BPIFB4: variants seen among roughly 807,000 people sequenced by gnomAD.
BPIFB4 encodes BPI fold containing family B member 4.
A neutral mutation model predicts 69.2 loss-of-function variants in BPIFB4; 62 were observed. That is an observed-to-expected ratio of 0.90 (90% CI 0.73 to 1.11). The LOEUF is 1.11. BPIFB4 is among the 50% of genes least tolerant of loss of function. The pLI is 0.00. For missense variants in BPIFB4, 789 were observed against 792.0 expected (o/e 1.00, Z 0.04); for synonymous variants, 330 against 332.7 (o/e 0.99, Z 0.09).
intron 6 of BPIFB4, 143 bp downstream of exon 6, chr20:33,085,139 C>G (rs963704069): frequency 3.5e-6 from 5 of 1,438,334 alleles, no homozygotes; most frequent in East Asian, 2.5e-5. Context: ...GCGGTGAAAA[C>G]AGCCTAGCAC....
At chr20:33,109,657 A>C (rs1196940235) in intron 17 of BPIFB4, among the ~76,000 whole-genome samples, 1 of 152,182 alleles carries the variant, frequency 6.6e-6, no homozygotes, top group Non-Finnish European at 1.5e-5. Context: ...AATACATATT[A>C]TTTTATTATA....
At chr20:33,092,397 T>C in intron 10 of BPIFB4, 61 bp from the exon 11 acceptor site, 2 of 1,480,922 alleles carry the variant, frequency 1.4e-6, no homozygotes, top group Non-Finnish European at 1.8e-6. Flanking sequence ...CACTCCAGCC[T>C]TCAGTCCCCT....
At chr20:33,080,829 G>A (rs1319934878) in intron 2 of BPIFB4, among the ~76,000 whole-genome samples, 4 of 152,064 alleles carry the variant, frequency 2.6e-5, no homozygotes, top group African/African-American at 7.2e-5. Context: ...GAGGATATAT[G>A]GCTTGCCAGC....
At position 33,083,882 on chromosome 20, in the gene BPIFB4, G is replaced by GA. The variant is rs1415167828; in HGVS notation, c.677+8_677+9insA. 1 of 1,595,220 alleles carries GA rather than the reference G, an allele frequency of 6.3e-7. No individual in the cohort carries two copies. On this transcript the variant is annotated intron_variant, in intron 5 of 17. Transcript: ENST00000375483. Reference sequence around the variant, plus strand: ...TGTGCAAGGCATCACGGGGTAAGGAGGGGACGGGTTCTCCCCAGAAAGCCC... The same window carrying GA: ...TGTGCAAGGCATCACGGGGTAAGGAGAGGGACGGGTTCTCCCCAGAAAGCCC...
intron 5 of BPIFB4, 36 bp downstream of exon 5, chr20:33,083,910 A>C: frequency 6.4e-7 from 1 of 1,558,634 alleles, no homozygotes; most frequent in Non-Finnish European, 8.7e-7. Context: ...GAAAGCCCCC[A>C]TACACCTCCA....
intron 12 of BPIFB4, among the ~76,000 whole-genome samples, chr20:33,097,219 G>A (rs542311581): frequency 1.0e-3 from 154 of 152,158 alleles, no homozygotes; most frequent in African/African-American, 3.5e-3. Flanking sequence ...TCCCCTCTGA[G>A]GCCCTGTTTT....
intron 13 of BPIFB4, among the ~76,000 whole-genome samples, chr20:33,098,128 A>G (rs570395581): frequency 3.7e-4 from 57 of 152,238 alleles, no homozygotes; most frequent in African/African-American, 1.3e-3. Context: ...ATTAAGACTG[A>G]TTTTCTCCTC....
In BPIFB4 at chr20:33,081,600, T is replaced by C. The variant is rs902050810; in HGVS notation, c.74T>C (p.Val25Ala). ...GGCACCAGCCACGAGACAAACACGG[T>C]CCTCAGGGTGACGAAAGATGTGTTG... is the stretch of plus-strand genomic sequence containing the variant. ...VCGTSHETNT[V>A]LRVTKDVLSN... The change falls in exon 3 of 18, where the codon GTC becomes GCC. Residue 25 changes from valine to alanine, a missense_variant. Physicochemically the swap from Val to Ala is moderately conservative, Grantham distance 64 (BLOSUM62 0). Coordinates refer to ENST00000375483, the MANE Select transcript of BPIFB4 (RefSeq NM_182519.3). 3 of 1,551,706 alleles carry C rather than the reference T, an allele frequency of 1.9e-6. No homozygotes were observed. In the East Asian group the frequency reaches 7.3e-5, roughly 38 times the overall value.
intron 9 of BPIFB4, 89 bp from the exon 10 acceptor site, chr20:33,090,619 A>C (rs571135967): frequency 1.3e-6 from 2 of 1,577,114 alleles, no homozygotes; most frequent in East Asian, 2.3e-5. Context: ...GCCTGGGCCT[A>C]CCTTGTCCAT....
intron 13 of BPIFB4, among the ~76,000 whole-genome samples, chr20:33,098,697 A>T (rs1420371598): frequency 6.6e-6 from 1 of 150,590 alleles, no homozygotes; most frequent in East Asian, 2.0e-4. Flanking sequence ...GTGAGCCGAG[A>T]TCGCACCACT....
At chr20:33,092,413 C>G (rs1453187784) in intron 10 of BPIFB4, 45 bp from the exon 11 acceptor site, 2 of 1,544,386 alleles carry the variant, frequency 1.3e-6, no homozygotes, top group Non-Finnish European at 1.8e-6. Context: ...CCCCTTCTTT[C>G]CATCTTCTCC....
chr20:33,083,955 C>A, intron 5 of BPIFB4, 81 bp downstream of exon 5: 2 of 1,476,226 alleles, frequency 1.4e-6, no homozygotes, highest in South Asian at 1.3e-5. Flanking sequence ...CTGGGGTTGC[C>A]GGAGGGAAGG....
At chr20:33,092,395 C>G in intron 10 of BPIFB4, 63 bp from the exon 11 acceptor site, 8 of 1,458,854 alleles carry the variant, frequency 5.5e-6, no homozygotes, top group Non-Finnish European at 6.6e-6. Flanking sequence ...CTCACTCCAG[C>G]CTTCAGTCCC....
Position 33,083,348 on chromosome 20 carries a change from C to G in BPIFB4, c.170-19C>G. On this transcript the variant is annotated intron_variant, in intron 4 of 17. Transcript: ENST00000375483. The stretch of plus-strand genomic sequence containing the variant: ...CCGACACCATTACAATGACTACAGA[C>G]GCATTGAATTCCCCCGAGGTGTTGG... The G allele has an allele frequency of 6.2e-7, 1 of 1,605,722 alleles. No individual in the cohort carries two copies. The highest frequency in any genetic ancestry group is 8.5e-7 in the Non-Finnish European group (1 of 1,174,864).
intron 8 of BPIFB4, 118 bp from the exon 9 acceptor site, chr20:33,089,380 T>A (rs1981529364): frequency 6.7e-7 from 1 of 1,495,358 alleles, no homozygotes; most frequent in African/African-American, 1.4e-5. Flanking sequence ...GTGAGGAGAG[T>A]GCCTGGCACA....
At chr20:33,092,248 G>T (rs1981620582) in intron 10 of BPIFB4, among the ~76,000 whole-genome samples, 1 of 152,186 alleles carries the variant, frequency 6.6e-6, no homozygotes, top group African/African-American at 2.4e-5. Context: ...GGCTGTAATT[G>T]TAAGTGACCA....
intron 17 of BPIFB4, among the ~76,000 whole-genome samples, chr20:33,109,001 A>G (rs1982157153): frequency 6.6e-6 from 1 of 152,026 alleles, no homozygotes; most frequent in South Asian, 2.1e-4. Context: ...TTCCCACATT[A>G]GGGAGTCAGT....
chr20:33,083,258 G>T (rs1228236779), intron 4 of BPIFB4, 109 bp from the exon 5 acceptor site: 11 of 1,013,894 alleles, frequency 1.1e-5, no homozygotes, highest in Non-Finnish European at 1.5e-5. Flanking sequence ...CAGTGGTGGG[G>T]GGTTGCTGGG....
chr20:33,107,356 C>T (rs1453268510), intron 16 of BPIFB4, among the ~76,000 whole-genome samples: 1 of 151,908 alleles, frequency 6.6e-6, no homozygotes, highest in Admixed American at 6.6e-5. Flanking sequence ...TTTGGGAGGC[C>T]GAGGTGGGGG....
Sources: allele counts gnomAD v4.1 joint callset (sites outside exome capture counted in the v4.1 genomes callset), GRCh38; gene constraint gnomAD v4.1.1; transcripts MANE v1.5; gene names NCBI Gene and HGNC (gene_info 2026-07-23, HGNC 2026-07-21).